The following GRID1 variants were observed in gnomAD, a reference collection of about 807,000 sequenced individuals.
The protein encoded by GRID1 is glutamate receptor ionotropic, delta-1.
A neutral mutation model predicts 98.0 loss-of-function variants in GRID1; 28 were observed. The ratio of observed to expected loss-of-function variants is 0.29; its 90% CI spans 0.21 to 0.39. The LOEUF is 0.39. Among genes scored for constraint, GRID1 ranks in the 10% least tolerant of loss-of-function variants. The pLI, the probability that GRID1 is intolerant of heterozygous loss-of-function variation, is 1.00. For missense variants in GRID1, 1,111 were observed against 1,340.5 expected (o/e 0.83, Z 2.67); for synonymous variants, 553 against 538.5 (o/e 1.03, Z -0.37).
chr10:85,707,966 G>T (rs1356254830), intron 12 of GRID1, among the ~76,000 whole-genome samples: 1 of 152,038 alleles, frequency 6.6e-6, no homozygotes, highest in East Asian at 1.9e-4. Context: ...CCTGTTGTGG[G>T]GTCGGGGGTG....
chr10:86,077,445 C>A (rs1843898813), intron 4 of GRID1, among the ~76,000 whole-genome samples: 1 of 152,160 alleles, frequency 6.6e-6, no homozygotes, highest in East Asian at 1.9e-4. Context: ...CTTTGCACAC[C>A]CCATTATTCC....
At chr10:85,792,351 C>A (rs1300191166) in intron 8 of GRID1, among the ~76,000 whole-genome samples, 1 of 152,176 alleles carries the variant, frequency 6.6e-6, no homozygotes, top group Non-Finnish European at 1.5e-5. Flanking sequence ...GCACTTGGGG[C>A]CTCAAATAAA....
rs1239443424 is a variant in GRID1 at position 86,206,648 on chromosome 10, G to A, written c.236C>T (p.Ala79Val). Reference protein sequence around the residue: ...ANNPFQAVQEACDLMTQGILA... With the variant: ...ANNPFQAVQEVCDLMTQGILA... ...AATCCCCTGGGTCATGAGGTCACAG[G>A]CTAGAAAGAGAGAAGAGAGAGAGGA... The change falls in exon 3 of 16, where the codon GCC becomes GTC. Residue 79 changes from alanine to valine, a missense_variant and splice_region_variant. By Grantham distance (64) the Ala-to-Val change is moderately conservative. Coordinates refer to ENST00000327946, the MANE Select transcript of GRID1 (RefSeq NM_017551.3). This position sits in a 1 kb window ranked among gnomAD's most constrained non-coding sequence, Gnocchi z 4.1. The A allele has an allele frequency of 3.1e-6, 5 of 1,609,414 alleles. No homozygotes were observed. The highest frequency in any genetic ancestry group is 4.3e-6 in the Non-Finnish European group (5 of 1,176,160).
At chr10:86,070,363 C>T (rs1283843589) in intron 4 of GRID1, among the ~76,000 whole-genome samples, 1 of 152,214 alleles carries the variant, frequency 6.6e-6, no homozygotes, top group African/African-American at 2.4e-5. Context: ...TGCCCAGCCC[C>T]ATCTCTACCA....
intron 13 of GRID1, among the ~76,000 whole-genome samples, chr10:85,624,828 C>T (rs1842892254): frequency 6.6e-6 from 1 of 151,970 alleles, no homozygotes; most frequent in Admixed American, 6.6e-5. Context: ...AAAAAGTAAC[C>T]TAAATATATC....
chr10:86,269,829 C>A (rs1870167), intron 2 of GRID1, among the ~76,000 whole-genome samples: 2 of 152,078 alleles, frequency 1.3e-5, no homozygotes, highest in African/African-American at 2.4e-5. Flanking sequence ...TATTGACCAT[C>A]GCCTAGGTGT....
chr10:85,778,232 C>A lies in GRID1; in HGVS notation c.1234-48618G>T, dbSNP rs549363956. Among the ~76,000 whole-genome samples, 10 of 151,998 alleles carry A rather than the reference C, an allele frequency of 6.6e-5. No individual in the cohort carries two copies. The South Asian group carries it at 1.5e-3, about 22-fold the overall frequency. On this transcript the variant is annotated intron_variant, in intron 8 of 15. Coordinates refer to ENST00000327946, the MANE Select transcript of GRID1 (RefSeq NM_017551.3). ...AGAGCTCAGGGGCATGAGATGAACCCGTGTCTGGCACACCTGCTAGACAAG... is the reference window on the plus strand; with the variant it reads ...AGAGCTCAGGGGCATGAGATGAACCAGTGTCTGGCACACCTGCTAGACAAG...
chr10:86,060,034 T>C (rs866922137), intron 4 of GRID1, among the ~76,000 whole-genome samples: 1 of 152,078 alleles, frequency 6.6e-6, no homozygotes, highest in African/African-American at 2.4e-5. Flanking sequence ...CCCTGGAAAA[T>C]TGTGTTCAAT....
chr10:85,748,716 T>C (rs139316006), intron 8 of GRID1, among the ~76,000 whole-genome samples: 218 of 152,272 alleles, frequency 1.4e-3, no homozygotes, highest in African/African-American at 5.0e-3. Context: ...TATATTTCTA[T>C]ATCAGGTTTC....
rs769575975 is a variant in GRID1, at chr10:86,255,821, C to T, written c.236-49173G>A. On this transcript the variant is annotated intron_variant, in intron 2 of 15. Transcript: ENST00000327946. ...GGACAGACCACTTGAGCAGGAGCCC[C>T]AGGGGCCTCGCCTGGGCTGCCCAGC... is the stretch of plus-strand genomic sequence containing the variant. Among the ~76,000 whole-genome samples the T allele has an allele frequency of 1.6e-4, 25 of 152,216 alleles. No homozygotes were observed. The Middle Eastern group carries it at 0.01, about 62-fold the overall frequency.
chr10:85,972,080 A>T (rs1304825232), intron 4 of GRID1, among the ~76,000 whole-genome samples: 1 of 152,174 alleles, frequency 6.6e-6, no homozygotes, highest in Admixed American at 6.5e-5. Context: ...ATTATGTTGC[A>T]TGACAGAAGC....
chr10:85,969,107 A>G (rs1053876570), intron 4 of GRID1, among the ~76,000 whole-genome samples: 1 of 152,238 alleles, frequency 6.6e-6, no homozygotes, highest in African/African-American at 2.4e-5. Flanking sequence ...GGAACATTTT[A>G]TAATGATAAA....
At chr10:85,852,795 T>C (rs1843072199) in intron 8 of GRID1, among the ~76,000 whole-genome samples, 1 of 152,072 alleles carries the variant, frequency 6.6e-6, no homozygotes, top group African/African-American at 2.4e-5. Flanking sequence ...TCTCACAGCT[T>C]TGGGCATTCC....
chr10:86,235,344 G>A (rs1846520777), intron 2 of GRID1, among the ~76,000 whole-genome samples: 1 of 152,220 alleles, frequency 6.6e-6, no homozygotes, highest in South Asian at 2.1e-4. Context: ...TTTGAATTCT[G>A]CCTTGACCAT....
intron 8 of GRID1, among the ~76,000 whole-genome samples, chr10:85,771,551 C>A (rs1842267996): frequency 6.6e-6 from 1 of 152,016 alleles, no homozygotes; most frequent in Admixed American, 6.5e-5. Flanking sequence ...AGTCAAGACC[C>A]ATCAGTGTGC....
intron 4 of GRID1, among the ~76,000 whole-genome samples, chr10:86,123,980 G>T (rs1006778019): frequency 2.0e-5 from 3 of 152,214 alleles, no homozygotes; most frequent in African/African-American, 7.2e-5. Context: ...GAATGAGGCT[G>T]CCAGGCAGGG....
At position 86,363,931 on chromosome 10, in the gene GRID1, G is replaced by T; in HGVS notation, c.235+10C>A. 1.2e-6 allele frequency: 2 copies of T among 1,611,876 alleles called. No individual in the cohort carries two copies. Among genetic ancestry groups the T allele is most frequent in the South Asian group, 2.2e-5 (2 of 90,822 alleles). ...TGTCCCAGTGGGCCCTGGGCACAGC[G>T]GTCACTCACCTTCCTGCACAGCCTG... On this transcript the variant is annotated intron_variant, in intron 2 of 15. Coordinates refer to ENST00000327946, the MANE Select transcript of GRID1 (RefSeq NM_017551.3).
At chr10:85,852,364 C>T (rs986999613) in intron 8 of GRID1, among the ~76,000 whole-genome samples, 4 of 152,188 alleles carry the variant, frequency 2.6e-5, no homozygotes, top group Admixed American at 6.5e-5. Flanking sequence ...GGCGCATTGC[C>T]TTGGCAACGT....
rs372071442 is a variant in GRID1 at position 85,856,089 on chromosome 10, G to A, written c.1053C>T (p.Cys351=). 6.2e-7 allele frequency: 1 copy of A among 1,614,046 alleles called. No individual in the cohort carries two copies. Among genetic ancestry groups the A allele is most frequent in the Non-Finnish European group, 8.5e-7 (1 of 1,179,988 alleles). The change falls in exon 7 of 16, where the codon TGC becomes TGT. Residue 351 remains cysteine (C), a synonymous_variant. Coordinates refer to ENST00000327946, the MANE Select transcript of GRID1 (RefSeq NM_017551.3). ...TCCATGGCTTAGTGGATTTCCGTAT[G>A]CAGTTGAGGCTCGCCATGCTATGCC... is the stretch of plus-strand genomic sequence containing the variant. ...RKWHSMASLN[C]IRKSTKPWNG...
Sources: allele counts gnomAD v4.1 joint callset (sites outside exome capture counted in the v4.1 genomes callset), GRCh38; gene constraint gnomAD v4.1.1; non-coding constraint Gnocchi (gnomAD v3.1); transcripts MANE v1.5; gene names NCBI Gene and HGNC (gene_info 2026-07-23, HGNC 2026-07-21).